Variants in KCNK13 observed in about 807,000 individuals in gnomAD.
KCNK13 encodes the protein potassium two pore domain channel subfamily K member 13.
Under a neutral mutation model 23.4 loss-of-function variants are expected in KCNK13, and 12 were observed. The observed-to-expected ratio is 0.51, with a 90% CI of 0.33 to 0.83. KCNK13 has a LOEUF of 0.83. Among genes scored for constraint, KCNK13 ranks in the 40% least tolerant of loss-of-function variants. The pLI is 0.02. For missense variants in KCNK13, 463 were observed against 556.3 expected, an observed-to-expected ratio of 0.83 and a Z score of 1.69; for synonymous variants, 231 against 229.5, an observed-to-expected ratio of 1.01 and a Z score of -0.06.
chr14:90,111,274 C>G (rs1214863999), intron 1 of KCNK13, among the ~76,000 whole-genome samples: 2 of 152,032 alleles, frequency 1.3e-5, no homozygotes, highest in East Asian at 3.9e-4. Context: ...AGTTGGCCAC[C>G]CACTGAGGTT....
At chr14:90,116,522 C>CAAGCAGCAAGCAGCCTGT in intron 1 of KCNK13, among the ~76,000 whole-genome samples, 1 of 152,128 alleles carries the variant, frequency 6.6e-6, no homozygotes, top group African/African-American at 2.4e-5. Context: ...TGAGGGCTGT[C>CAAGCAGCAAGCAGCCTGT]AAGCAGCAAG....
intron 1 of KCNK13, among the ~76,000 whole-genome samples, chr14:90,114,048 A>T (rs1034091743): frequency 6.6e-6 from 1 of 152,224 alleles, no homozygotes; most frequent in Non-Finnish European, 1.5e-5. Context: ...TCCCTTAAGT[A>T]TGGTGGGGTC....
chr14:90,086,119 A>G (rs1361976541), intron 1 of KCNK13, among the ~76,000 whole-genome samples: 1 of 152,004 alleles, frequency 6.6e-6, no homozygotes, highest in African/African-American at 2.4e-5. Context: ...CAACTGCTTT[A>G]TACACCATAT....
At chr14:90,164,516 G>A (rs1890282316) in intron 1 of KCNK13, among the ~76,000 whole-genome samples, 1 of 152,156 alleles carries the variant, frequency 6.6e-6, no homozygotes, top group Non-Finnish European at 1.5e-5. Flanking sequence ...GAAGAGAGAA[G>A]AAAAACTTAA....
Position 90,096,743 on chromosome 14 carries a change from A to G in KCNK13, c.334+34204A>G, listed in dbSNP as rs146465580. The stretch of plus-strand genomic sequence containing the variant: ...TAGGCCAGAAAGTGGAGAATCAGCA[A>G]GAATTGGCAGCCATTTTCTTGGGCT... On this transcript the variant is annotated intron_variant, in intron 1 of 1. Coordinates refer to ENST00000282146, the MANE Select transcript of KCNK13 (RefSeq NM_022054.4). Among the ~76,000 whole-genome samples the G allele has an allele frequency of 2.6e-3, 393 of 152,332 alleles. 1 individual carries two copies. The highest frequency in any genetic ancestry group is 8.8e-3 in the African/African-American group (365 of 41,578).
chr14:90,159,361 C>T (rs559904363), intron 1 of KCNK13, among the ~76,000 whole-genome samples: 2 of 152,312 alleles, frequency 1.3e-5, no homozygotes, highest in East Asian at 3.9e-4. Flanking sequence ...GAAACGGAGC[C>T]AGGACTCAGG....
At position 90,062,591 on chromosome 14, in the gene KCNK13, T is replaced by A; in HGVS notation, c.334+52T>A. 7.4e-7 allele frequency: 1 copy of A among 1,352,200 alleles called. No homozygotes were observed. The highest frequency in any genetic ancestry group is 9.8e-7 in the Non-Finnish European group (1 of 1,017,422). 83.8% of individuals were successfully genotyped at this position (1,352,200 alleles called of 1,614,324 possible). Reference sequence around the variant, plus strand: ...CAACCTCCGGGCGGCCTCCACTTCCTCCGGGGGGCAGGACCGACCCTCTCA... The same window carrying A: ...CAACCTCCGGGCGGCCTCCACTTCCACCGGGGGGCAGGACCGACCCTCTCA... On this transcript the variant is annotated intron_variant, in intron 1 of 1. Transcript: ENST00000282146. This position sits in a 1 kb window ranked among gnomAD's most constrained non-coding sequence, Gnocchi z 4.5.
intron 1 of KCNK13, among the ~76,000 whole-genome samples, chr14:90,101,015 G>A (rs1472500193): frequency 6.6e-6 from 1 of 152,132 alleles, no homozygotes; most frequent in African/African-American, 2.4e-5. Flanking sequence ...TTTGAGTCAA[G>A]CAGATGCTTC....
chr14:90,062,211 T>A lies in KCNK13; in HGVS notation c.6T>A (p.Ala2=). The change falls in exon 1 of 2, where the codon GCT becomes GCA. Residue 2 remains alanine (A), a synonymous_variant. Transcript: ENST00000282146. This position sits in a 1 kb window ranked among gnomAD's most constrained non-coding sequence, Gnocchi z 4.5. ...CTGCCCCCGGGGGCCCGGCCATGGC[T>A]GGCCGGGGTTTCAGCTGGGGCCCGG... M[A]GRGFSWGPGH... 2 of 1,100,330 alleles carry A rather than the reference T, an allele frequency of 1.8e-6. No individual in the cohort carries two copies. The highest frequency in any genetic ancestry group is 1.2e-6 in the Non-Finnish European group (1 of 831,024). The allele number at this position is 1,100,330 out of a possible 1,614,324, so 68.2% of individuals were successfully genotyped here. A position where few individuals can be genotyped will look rare whatever the true frequency, so the allele number is the denominator to read the frequency against.
At chr14:90,080,650 A>G (rs913179696) in intron 1 of KCNK13, among the ~76,000 whole-genome samples, 1 of 152,192 alleles carries the variant, frequency 6.6e-6, no homozygotes, top group African/African-American at 2.4e-5. Context: ...CAACAGCAAC[A>G]GTAATAAAAC....
chr14:90,120,475 A>G (rs1264217943), intron 1 of KCNK13, among the ~76,000 whole-genome samples: 1 of 152,210 alleles, frequency 6.6e-6, no homozygotes, highest in Non-Finnish European at 1.5e-5. Context: ...CAGGAAACTT[A>G]CAATCATGGT....
chr14:90,086,250 A>C (rs1470395612), intron 1 of KCNK13, among the ~76,000 whole-genome samples: 1 of 152,158 alleles, frequency 6.6e-6, no homozygotes, highest in Non-Finnish European at 1.5e-5. Context: ...AACATATACT[A>C]TATTTTTCCT....
chr14:90,142,426 C>G (rs1456843823), intron 1 of KCNK13, among the ~76,000 whole-genome samples: 1 of 143,832 alleles, frequency 7.0e-6, no homozygotes, highest in East Asian at 2.0e-4. Context: ...TCATGCCATT[C>G]TCGTGCCTCA....
At position 90,184,572 on chromosome 14, in the gene KCNK13, C is replaced by T. The variant is rs768343772; in HGVS notation, c.796C>T (p.Leu266Phe). 11 of 1,614,274 alleles carry T rather than the reference C, an allele frequency of 6.8e-6. 1 individual carries two copies. The Admixed American group carries it at 1.7e-4, about 24-fold the overall frequency. Residue 266 changes from leucine to phenylalanine, a missense_variant, in exon 2 of 2, where the codon CTC becomes TTC. Around this residue, in one of 3 missense-constraint regions of KCNK13, gnomAD observed 144 missense variants for 224.0 expected, o/e 0.64. Transcript: ENST00000282146. This position sits in a 1 kb window ranked among gnomAD's most constrained non-coding sequence, Gnocchi z 5.6. ...TCGCTTTGCCAACTTCGTCTTCATC[C>T]TCATGGGTGTCTGCTGCATCTACTC... The part of the protein sequence containing the change: ...LYRFANFVFI[L>F]MGVCCIYSLF...
At chr14:90,085,571 A>G (rs1449177707) in intron 1 of KCNK13, among the ~76,000 whole-genome samples, 3 of 150,762 alleles carry the variant, frequency 2.0e-5, no homozygotes, top group Non-Finnish European at 4.4e-5. Flanking sequence ...AAGCAGGAGA[A>G]TCATTTGAAC....
At chr14:90,145,547 C>T (rs767375871) in intron 1 of KCNK13, among the ~76,000 whole-genome samples, 1 of 133,090 alleles carries the variant, frequency 7.5e-6, no homozygotes, top group Non-Finnish European at 1.7e-5. Flanking sequence ...CTAGTATGTA[C>T]TTTTGTCTTT....
At chr14:90,152,271 C>T (rs1053708240) in intron 1 of KCNK13, among the ~76,000 whole-genome samples, 1 of 152,200 alleles carries the variant, frequency 6.6e-6, no homozygotes, top group Non-Finnish European at 1.5e-5. Flanking sequence ...TGCAGTGGCT[C>T]ACGCCTGTAA....
At chr14:90,116,624 G>T (rs1009307277) in intron 1 of KCNK13, among the ~76,000 whole-genome samples, 3 of 152,078 alleles carry the variant, frequency 2.0e-5, no homozygotes, top group Admixed American at 6.5e-5. Flanking sequence ...GATTTAGACC[G>T]CTCATTACAA....
chr14:90,109,863 C>T (rs1296798737), intron 1 of KCNK13, among the ~76,000 whole-genome samples: 2 of 152,028 alleles, frequency 1.3e-5, no homozygotes, highest in Non-Finnish European at 2.9e-5. Context: ...CATGCACTAC[C>T]ACGACAAGCT....
Sources: allele counts gnomAD v4.1 joint callset (sites outside exome capture counted in the v4.1 genomes callset), GRCh38; gene constraint gnomAD v4.1.1; regional missense constraint gnomAD v4.1.1; non-coding constraint Gnocchi (gnomAD v3.1); transcripts MANE v1.5; gene names NCBI Gene and HGNC (gene_info 2026-07-23, HGNC 2026-07-21).